The following LRCH1 variants were observed in gnomAD, a reference collection of about 807,000 sequenced individuals.
The protein encoded by LRCH1 is leucine-rich repeat and calponin homology domain-containing protein 1.
Under a neutral mutation model 94.9 loss-of-function variants are expected in LRCH1, and 23 were observed. The observed-to-expected ratio is 0.24, with a 90% CI of 0.17 to 0.34. The LOEUF (loss-of-function observed/expected upper bound fraction) is 0.34, where lower values mean the gene tolerates loss of function less well. Among genes scored for constraint, LRCH1 ranks in the 10% least tolerant of loss-of-function variants. LRCH1 has a pLI of 1.00. For missense variants in LRCH1, 790 were observed against 945.9 expected (o/e 0.84, Z 2.16); for synonymous variants, 364 against 354.9 (o/e 1.03, Z -0.29).
At chr13:46,567,584 C>T (rs1269778322) in intron 1 of LRCH1, among the ~76,000 whole-genome samples, 1 of 151,216 alleles carries the variant, frequency 6.6e-6, no homozygotes, top group Non-Finnish European at 1.5e-5. Flanking sequence ...TTGTAGCAGT[C>T]ATTCCATCGG....
At chr13:46,724,864 A>G (rs909122544) in intron 17 of LRCH1, among the ~76,000 whole-genome samples, 3 of 152,234 alleles carry the variant, frequency 2.0e-5, no homozygotes, top group Non-Finnish European at 2.9e-5. Context: ...GTATATACCC[A>G]GAGAAAAATA....
At position 46,744,295 on chromosome 13, in the gene LRCH1, G is replaced by T. The variant is rs7982802; in HGVS notation, c.*2447G>T. 1 of 984,982 alleles carries T rather than the reference G, an allele frequency of 1.0e-6. No homozygotes were observed. The highest frequency in any genetic ancestry group is 1.8e-5 in the African/African-American group (1 of 57,110). 61.0% of individuals were successfully genotyped at this position (984,982 alleles called of 1,614,324 possible). On this transcript the variant is annotated 3_prime_UTR_variant, in exon 20 of 20. Coordinates refer to ENST00000389797, the MANE Select transcript of LRCH1 (RefSeq NM_001164211.2). The stretch of plus-strand genomic sequence containing the variant: ...AAATCTCCTCCTCACAAGAAAGACC[G>T]TTTTTTCAGTACTCCCTTCCAATGT...
chr13:46,634,294 C>A (rs1031396244), intron 1 of LRCH1, among the ~76,000 whole-genome samples: 1 of 152,216 alleles, frequency 6.6e-6, no homozygotes, highest in African/African-American at 2.4e-5. Flanking sequence ...CTAAGGTCTG[C>A]GAATTCTACC....
chr13:46,705,642 A>T, intron 13 of LRCH1: 1 of 427,316 alleles, frequency 2.3e-6, no homozygotes. Context: ...GGACCATTCA[A>T]TGTAGATTTT....
At chr13:46,628,888 G>T (rs1320324758) in intron 1 of LRCH1, among the ~76,000 whole-genome samples, 1 of 152,206 alleles carries the variant, frequency 6.6e-6, no homozygotes, top group African/African-American at 2.4e-5. Flanking sequence ...CAAATTCGCA[G>T]TATAGAAACA....
At position 46,741,976 on chromosome 13, in the gene LRCH1, A is replaced by G; in HGVS notation, c.*128A>G. The G allele has an allele frequency of 6.5e-7, 1 of 1,530,098 alleles. No individual in the cohort carries two copies. Among genetic ancestry groups the G allele is most frequent in the African/African-American group, 1.4e-5 (1 of 72,564 alleles). 94.8% of individuals were successfully genotyped at this position (1,530,098 alleles called of 1,614,324 possible). ...TCTTCAGTTATCTCTCGAGTTTTGA[A>G]GCTGAACAGTAGCAAATCAGATTTT... On this transcript the variant is annotated 3_prime_UTR_variant, in exon 20 of 20. Transcript: ENST00000389797.
chr13:46,601,230 A>G (rs1248376730), intron 1 of LRCH1, among the ~76,000 whole-genome samples: 2 of 152,222 alleles, frequency 1.3e-5, no homozygotes, highest in Non-Finnish European at 2.9e-5. Flanking sequence ...GAGAATATGC[A>G]TCAGCCTTGG....
chr13:46,667,367 G>A (rs1388882568), intron 2 of LRCH1, among the ~76,000 whole-genome samples: 1 of 152,096 alleles, frequency 6.6e-6, no homozygotes, highest in African/African-American at 2.4e-5. Flanking sequence ...ATATGGAGGA[G>A]AGTCAAACTT....
At chr13:46,620,031 G>A (rs899061921) in intron 1 of LRCH1, among the ~76,000 whole-genome samples, 2 of 152,230 alleles carry the variant, frequency 1.3e-5, no homozygotes, top group East Asian at 3.9e-4. Context: ...TAGAGATAAC[G>A]TAATTCTAGT....
chr13:46,637,190 T>A (rs2051101827), intron 1 of LRCH1, among the ~76,000 whole-genome samples: 1 of 152,222 alleles, frequency 6.6e-6, no homozygotes, highest in Non-Finnish European at 1.5e-5. Context: ...TTCAGTTGGC[T>A]TTACTTTCAA....
At chr13:46,610,036 C>T (rs985529833) in intron 1 of LRCH1, among the ~76,000 whole-genome samples, 4 of 152,158 alleles carry the variant, frequency 2.6e-5, no homozygotes, top group African/African-American at 7.2e-5. Context: ...TCCTTTTTGT[C>T]ATGGCCGGCA....
At chr13:46,678,202 A>C (rs2051703069) in intron 3 of LRCH1, among the ~76,000 whole-genome samples, 1 of 152,230 alleles carries the variant, frequency 6.6e-6, no homozygotes, top group South Asian at 2.1e-4. Context: ...CTAGAGAACA[A>C]GGCCATTCTA....
rs773601577 is a variant in LRCH1, at chr13:46,701,198, ATCCCAATGGGTGTGTATGTC to A, written c.1395_1400+14del. 7 of 1,611,308 alleles carry A rather than the reference ATCCCAATGGGTGTGTATGTC, an allele frequency of 4.3e-6. No individual in the cohort carries two copies. The East Asian group carries it at 1.6e-4, about 36-fold the overall frequency. On this transcript the variant is annotated splice_donor_variant and splice_donor_5th_base_variant and coding_sequence_variant and intron_variant, in exon 11 of 20. Transcript: ENST00000389797. LOFTEE classifies it high-confidence loss of function. ...AGAGAAGCAGTAGATTTGCTGCAAG[ATCCCAATGGGTGTGTATGTC>A]TCCTTGGTCCAGGTTTCATGTGTAA...
intron 18 of LRCH1, among the ~76,000 whole-genome samples, chr13:46,733,515 G>A (rs75497778): frequency 0.013 from 1,968 of 152,122 alleles, 15 homozygotes; most frequent in Non-Finnish European, 0.022. Flanking sequence ...GTATGATCCC[G>A]TAAAAACTAT....
chr13:46,636,509 C>T (rs958635732), intron 1 of LRCH1, among the ~76,000 whole-genome samples: 2 of 152,148 alleles, frequency 1.3e-5, no homozygotes, highest in African/African-American at 4.8e-5. Context: ...ATTTTTCCCT[C>T]CTCCAAGCCC....
rs60074738 is a variant in LRCH1 at position 46,716,730 on chromosome 13, A to G, written c.1759+1066A>G. On this transcript the variant is annotated intron_variant, in intron 16 of 19. Transcript: ENST00000389797. ...ATGTATACTTTGGCAGAGTAGTTATAAAAAGAATTTTTAATATTTCATAGA... is the reference window on the plus strand; with the variant it reads ...ATGTATACTTTGGCAGAGTAGTTATGAAAAGAATTTTTAATATTTCATAGA... 3.6e-3 allele frequency among the ~76,000 whole-genome samples: 553 copies of G among 152,348 alleles called. 3 individuals are homozygous for G. The highest frequency in any genetic ancestry group is 0.011 in the African/African-American group (443 of 41,578).
chr13:46,556,191 T>C (rs1199483920), intron 1 of LRCH1, among the ~76,000 whole-genome samples: 1 of 152,374 alleles, frequency 6.6e-6, no homozygotes, highest in Middle Eastern at 3.4e-3. Context: ...CTCACAGTTT[T>C]GTTGTATATT....
intron 9 of LRCH1, among the ~76,000 whole-genome samples, chr13:46,696,195 T>TACACAC (rs10553999): frequency 1.4e-3 from 199 of 147,202 alleles, no homozygotes; most frequent in Middle Eastern, 3.6e-3. Flanking sequence ...TGCATGTGTG[T>TACACAC]ACACACACAC....
intron 1 of LRCH1, among the ~76,000 whole-genome samples, chr13:46,591,932 GT>G (rs2050504257): frequency 2.6e-5 from 4 of 152,204 alleles, no homozygotes; most frequent in Non-Finnish European, 5.9e-5. Flanking sequence ...GAACTTTGCC[GT>G]GGACTTGGGT....
Sources: allele counts gnomAD v4.1 joint callset (sites outside exome capture counted in the v4.1 genomes callset), GRCh38; gene constraint gnomAD v4.1.1; transcripts MANE v1.5; gene names NCBI Gene and HGNC (gene_info 2026-07-23, HGNC 2026-07-21).